NHLRC2: variants seen among roughly 807,000 people sequenced by gnomAD.
NHLRC2 encodes the protein NHL repeat containing 2, also known as NHL repeat-containing protein 2.
NHLRC2 carries 33 observed loss-of-function variants against 68.1 expected under a neutral mutation model. The observed-to-expected ratio is 0.48, with a 90% CI of 0.37 to 0.65. NHLRC2 has a LOEUF of 0.65. Ranked by LOEUF, NHLRC2 falls within the 30% of genes least tolerant of loss-of-function variation. The probability of loss-of-function intolerance (pLI) is 0.00; values close to 1 mark genes in which losing one functional copy is unlikely to be tolerated. For missense variants in NHLRC2, 761 were observed against 853.8 expected, an observed-to-expected ratio of 0.89 and a Z score of 1.35; for synonymous variants, 311 against 309.6, an observed-to-expected ratio of 1.00 and a Z score of -0.05.
chr10:113,884,488 A>G, intron 5 of NHLRC2, 108 bp downstream of exon 5: 1 of 801,398 alleles, frequency 1.2e-6, no homozygotes, highest in South Asian at 1.9e-5. Flanking sequence ...ATTTTATTTT[A>G]TACTTTTATA....
At chr10:113,891,470 T>C (rs762343795) in intron 5 of NHLRC2, among the ~76,000 whole-genome samples, 3 of 152,204 alleles carry the variant, frequency 2.0e-5, no homozygotes, top group African/African-American at 4.8e-5. Flanking sequence ...ATAGTACTTA[T>C]GTTATAATTA....
intron 2 of NHLRC2, among the ~76,000 whole-genome samples, chr10:113,862,411 AAAG>A (rs1473975297): frequency 2.0e-5 from 3 of 151,928 alleles, no homozygotes; most frequent in African/African-American, 7.2e-5. Context: ...AAAAAAAAAG[AAAG>A]AAAGAATATA....
At chr10:113,888,363 G>A (rs1846101427) in intron 5 of NHLRC2, among the ~76,000 whole-genome samples, 1 of 152,108 alleles carries the variant, frequency 6.6e-6, no homozygotes, top group African/African-American at 2.4e-5. Context: ...ATATTATTTA[G>A]CTTGATTGAA....
At chr10:113,901,582 G>T in intron 6 of NHLRC2, 84 bp from the exon 7 acceptor site, 1 of 849,520 alleles carries the variant, frequency 1.2e-6, no homozygotes, top group Non-Finnish European at 1.9e-6. Context: ...CTTTTGATTT[G>T]ATTATTCACA....
intron 2 of NHLRC2, among the ~76,000 whole-genome samples, chr10:113,875,995 AG>A (rs2134705872): frequency 6.6e-6 from 1 of 151,902 alleles, no homozygotes; most frequent in South Asian, 2.1e-4. Context: ...TTCTGTCTAC[AG>A]AAAGGCTTGT....
At chr10:113,864,720 A>G (rs951639329) in intron 2 of NHLRC2, among the ~76,000 whole-genome samples, 1 of 151,190 alleles carries the variant, frequency 6.6e-6, no homozygotes, top group Non-Finnish European at 1.5e-5. Context: ...CCACACACAC[A>G]CACAAAAATG....
chr10:113,891,002 A>G (rs1278751264), intron 5 of NHLRC2, among the ~76,000 whole-genome samples: 2 of 152,204 alleles, frequency 1.3e-5, no homozygotes, highest in South Asian at 2.1e-4. Flanking sequence ...GAACTCATTC[A>G]CTATCATGAG....
rs116604044 is a variant in NHLRC2 at position 113,882,318 on chromosome 10, G to A, written c.910-1933G>A. Reference sequence around the variant, plus strand: ...ATTGCACCATCTTACCTTCCCACTCGAAATATATGTGGGTTCCAATTTTCT... The same window carrying A: ...ATTGCACCATCTTACCTTCCCACTCAAAATATATGTGGGTTCCAATTTTCT... On this transcript the variant is annotated intron_variant, in intron 4 of 10. Transcript: ENST00000369301. Among the ~76,000 whole-genome samples, 425 of 151,748 alleles carry A rather than the reference G, an allele frequency of 2.8e-3. 3 individuals are homozygous for A. The highest frequency in any genetic ancestry group is 9.7e-3 in the African/African-American group (404 of 41,488).
At chr10:113,898,297 A>C (rs1846194258) in intron 6 of NHLRC2, 88 bp downstream of exon 6, 1 of 802,788 alleles carries the variant, frequency 1.2e-6, no homozygotes, top group African/African-American at 1.7e-5. Flanking sequence ...TCACTGTACC[A>C]GTCAGGATGT....
At chr10:113,859,413 G>T (rs1459567261) in intron 2 of NHLRC2, among the ~76,000 whole-genome samples, 1 of 152,034 alleles carries the variant, frequency 6.6e-6, no homozygotes, top group East Asian at 1.9e-4. Context: ...AAAGAGATAG[G>T]GTCACCGATC....
chr10:113,896,318 A>AT (rs1182576928), intron 5 of NHLRC2, among the ~76,000 whole-genome samples: 1 of 152,068 alleles, frequency 6.6e-6, no homozygotes, highest in Admixed American at 6.5e-5. Flanking sequence ...CATATACACC[A>AT]TGGAATACTA....
chr10:113,907,909 T>TC (rs756749479), intron 10 of NHLRC2, among the ~76,000 whole-genome samples: 73 of 152,198 alleles, frequency 4.8e-4, no homozygotes, highest in Non-Finnish European at 1.8e-4. Flanking sequence ...GTAAAAATGA[T>TC]CCATTTTCTC....
At chr10:113,899,898 G>A (rs569041830) in intron 6 of NHLRC2, among the ~76,000 whole-genome samples, 7 of 151,882 alleles carry the variant, frequency 4.6e-5, no homozygotes, top group African/African-American at 1.7e-4. Flanking sequence ...CAGCCAGGAC[G>A]ACAGAGTGAG....
intron 2 of NHLRC2, among the ~76,000 whole-genome samples, chr10:113,872,011 G>C (rs1845930360): frequency 6.6e-6 from 1 of 152,096 alleles, no homozygotes; most frequent in South Asian, 2.1e-4. Flanking sequence ...TTTAGACAAC[G>C]CACAAACAGA....
chr10:113,881,070 G>GT (rs1332990178), intron 4 of NHLRC2, among the ~76,000 whole-genome samples: 5 of 151,786 alleles, frequency 3.3e-5, no homozygotes, highest in East Asian at 1.9e-4. Context: ...GGGAAAAGTG[G>GT]TTTTTTAAAT....
intron 6 of NHLRC2, among the ~76,000 whole-genome samples, chr10:113,901,443 C>T (rs1180508841): frequency 1.3e-5 from 2 of 151,762 alleles, no homozygotes; most frequent in Non-Finnish European, 2.9e-5. Context: ...TTGTGTGTAT[C>T]AAAGTAAAGT....
At chr10:113,876,349 G>T (rs1329686174) in intron 2 of NHLRC2, among the ~76,000 whole-genome samples, 172 bp from the exon 3 acceptor site, 1 of 151,756 alleles carries the variant, frequency 6.6e-6, no homozygotes, top group African/African-American at 2.4e-5. Context: ...ATTTAAATTT[G>T]TTAGTTTTTT....
chr10:113,885,582 T>G (rs1458701380), intron 5 of NHLRC2, among the ~76,000 whole-genome samples: 4 of 152,012 alleles, frequency 2.6e-5, no homozygotes, highest in African/African-American at 7.2e-5. Flanking sequence ...TTTGATTATT[T>G]TTGCTAAATC....
chr10:113,879,004 A>G (rs553633380), intron 3 of NHLRC2, among the ~76,000 whole-genome samples: 4 of 152,300 alleles, frequency 2.6e-5, no homozygotes, highest in Non-Finnish European at 1.5e-5. Flanking sequence ...GAAACTCTAC[A>G]TGAATTGTAA....
Sources: allele counts gnomAD v4.1 joint callset (sites outside exome capture counted in the v4.1 genomes callset), GRCh38; gene constraint gnomAD v4.1.1; transcripts MANE v1.5; gene names NCBI Gene and HGNC (gene_info 2026-07-23, HGNC 2026-07-21).